The following KCNE1 variants were observed in gnomAD, a reference collection of about 807,000 sequenced individuals.
KCNE1 encodes potassium voltage-gated channel subfamily E regulatory subunit 1, also known as potassium voltage-gated channel subfamily E member 1.
In KCNE1, 1 loss-of-function variant was observed where a neutral mutation model predicts 2.9. The ratio of observed to expected loss-of-function variants is 0.34; its 90% CI spans 0.12 to 1.62. The LOEUF (loss-of-function observed/expected upper bound fraction) is 1.62, where lower values mean the gene tolerates loss of function less well. Ranked by LOEUF, KCNE1 falls within the 40% of genes most tolerant of loss-of-function variation. The probability of loss-of-function intolerance (pLI) is 0.36; values close to 1 mark genes in which losing one functional copy is unlikely to be tolerated. For synonymous variants in KCNE1, 23 were observed against 65.4 expected, an observed-to-expected ratio of 0.35 and a Z score of 3.13; for missense variants, 45 against 150.5, an observed-to-expected ratio of 0.30 and a Z score of 3.67.
At chr21:34,502,900 A>G (rs576098603) in intron 2 of KCNE1, among the ~76,000 whole-genome samples, 1 of 152,252 alleles carries the variant, frequency 6.6e-6, no homozygotes, top group South Asian at 2.1e-4. Context: ...AGATAGCATA[A>G]GCCTACAGTG....
chr21:34,503,169 A>T (rs949086852), intron 2 of KCNE1, among the ~76,000 whole-genome samples: 11 of 152,274 alleles, frequency 7.2e-5, no homozygotes, highest in South Asian at 4.1e-4. Context: ...CCTTTGACCA[A>T]CCAGCTACAA....
At chr21:34,495,661 G>A (rs1291757924) in intron 2 of KCNE1, among the ~76,000 whole-genome samples, 1 of 149,822 alleles carries the variant, frequency 6.7e-6, no homozygotes, top group Admixed American at 6.6e-5. Context: ...TAGTTTGTGT[G>A]TGTAAAGGTA....
At chr21:34,497,090 C>T (rs180772329) in intron 2 of KCNE1, among the ~76,000 whole-genome samples, 1 of 152,104 alleles carries the variant, frequency 6.6e-6, no homozygotes, top group Non-Finnish European at 1.5e-5. Context: ...ATGGCAGATA[C>T]TTGGTTGATG....
chr21:34,505,581 A>G (rs751855010), intron 2 of KCNE1, among the ~76,000 whole-genome samples: 17 of 152,258 alleles, frequency 1.1e-4, no homozygotes, highest in Middle Eastern at 3.4e-3. Context: ...GGCATCCCCA[A>G]AGCTGTGGGA....
chr21:34,508,766 A>T (rs912174301), intron 2 of KCNE1, among the ~76,000 whole-genome samples: 3 of 152,272 alleles, frequency 2.0e-5, no homozygotes, highest in Non-Finnish European at 4.4e-5. Context: ...AAAATGCAAT[A>T]CAGCTAGAGT....
At chr21:34,499,951 C>T (rs1983066298) in intron 2 of KCNE1, among the ~76,000 whole-genome samples, 1 of 152,216 alleles carries the variant, frequency 6.6e-6, no homozygotes, top group South Asian at 2.1e-4. Context: ...TGTCTCCTAT[C>T]TGTCATCTTC....
Position 34,449,500 on chromosome 21 carries a change from G to A in KCNE1, c.135C>T (p.Leu45=). Residue 45 remains leucine (L), a synonymous_variant, in exon 4 of 4, where the codon CTC becomes CTT. Coordinates refer to ENST00000399286, the MANE Select transcript of KCNE1 (RefSeq NM_000219.6). The part of the protein sequence containing the change: ...PRSSDGKLEA[L]YVLMVLGFFG... ...AGAATCCCAGTACCATGAGGACGTA[G>A]AGGGCCTCCAGCTTGCCGTCACTGC... 1 of 1,059,710 alleles carries A rather than the reference G, an allele frequency of 9.4e-7. No homozygotes were observed. Among genetic ancestry groups the A allele is most frequent in the East Asian group, 3.1e-5 (1 of 32,326 alleles). 65.6% of individuals were successfully genotyped at this position (1,059,710 alleles called of 1,614,324 possible).
chr21:34,504,458 T>C (rs1983357364), intron 2 of KCNE1, among the ~76,000 whole-genome samples: 1 of 152,224 alleles, frequency 6.6e-6, no homozygotes, highest in Non-Finnish European at 1.5e-5. Flanking sequence ...AGAACACTCC[T>C]ACGCTGCTGG....
intron 2 of KCNE1, among the ~76,000 whole-genome samples, chr21:34,503,857 C>A (rs1217154671): frequency 6.6e-6 from 1 of 152,202 alleles, no homozygotes; most frequent in African/African-American, 2.4e-5. Flanking sequence ...AGAATTTCAA[C>A]ATATGCCACC....
At chr21:34,496,142 C>T (rs1467744384) in intron 2 of KCNE1, among the ~76,000 whole-genome samples, 8 of 152,024 alleles carry the variant, frequency 5.3e-5, no homozygotes, top group South Asian at 4.2e-4. Flanking sequence ...TGGCTCATCT[C>T]GGCTCAGTGC....
chr21:34,506,691 G>A (rs1983508326), intron 2 of KCNE1, among the ~76,000 whole-genome samples: 3 of 152,228 alleles, frequency 2.0e-5, no homozygotes, highest in Admixed American at 6.5e-5. Context: ...ATTCTGCTAG[G>A]TGCTGAGAAA....
At chr21:34,508,229 T>C (rs1478221692) in intron 2 of KCNE1, among the ~76,000 whole-genome samples, 2 of 151,318 alleles carry the variant, frequency 1.3e-5, no homozygotes, top group East Asian at 3.9e-4. Context: ...GGTTTCACCA[T>C]GTTGCCTAGG....
chr21:34,507,704 T>A (rs977735701), intron 2 of KCNE1, among the ~76,000 whole-genome samples: 2 of 152,112 alleles, frequency 1.3e-5, no homozygotes, highest in Admixed American at 6.6e-5. Flanking sequence ...CTTTAAACGG[T>A]CCCCTGCATT....
intron 2 of KCNE1, among the ~76,000 whole-genome samples, chr21:34,497,466 C>G (rs745338680): frequency 6.6e-6 from 1 of 152,120 alleles, no homozygotes; most frequent in Admixed American, 6.5e-5. Context: ...ATACAAAATT[C>G]TTGGTTAACA....
At chr21:34,506,541 C>T (rs1435647157) in intron 2 of KCNE1, among the ~76,000 whole-genome samples, 2 of 152,104 alleles carry the variant, frequency 1.3e-5, no homozygotes, top group Admixed American at 6.5e-5. Flanking sequence ...AAGGGACAGA[C>T]CTGGTGTTGC....
intron 2 of KCNE1, among the ~76,000 whole-genome samples, chr21:34,498,683 T>C (rs535222008): frequency 4.5e-4 from 68 of 152,370 alleles, no homozygotes; most frequent in Middle Eastern, 3.4e-3. Context: ...ATGCTTGTTA[T>C]GTTAACAGTG....
At chr21:34,497,917 A>T (rs143598877) in intron 2 of KCNE1, among the ~76,000 whole-genome samples, 1 of 151,608 alleles carries the variant, frequency 6.6e-6, no homozygotes, top group Non-Finnish European at 1.5e-5. Flanking sequence ...GATTGGGTTC[A>T]TTCAAAAGTC....
intron 2 of KCNE1, among the ~76,000 whole-genome samples, chr21:34,500,388 T>C (rs1983091544): frequency 6.6e-6 from 1 of 152,260 alleles, no homozygotes; most frequent in African/African-American, 2.4e-5. Flanking sequence ...AGTGCCACGT[T>C]TGACAGTTTC....
chr21:34,502,113 C>T (rs965016092), intron 2 of KCNE1, among the ~76,000 whole-genome samples: 1 of 152,122 alleles, frequency 6.6e-6, no homozygotes, highest in South Asian at 2.1e-4. Flanking sequence ...AAATACCTTG[C>T]CTTTTTTGGT....
Sources: allele counts gnomAD v4.1 joint callset (sites outside exome capture counted in the v4.1 genomes callset), GRCh38; gene constraint gnomAD v4.1.1; transcripts MANE v1.5; gene names NCBI Gene and HGNC (gene_info 2026-07-23, HGNC 2026-07-21).